The following NFATC2 variants were observed in gnomAD, a reference collection of about 807,000 sequenced individuals.
NFATC2 encodes the protein nuclear factor of activated T-cells, cytoplasmic 2.
NFATC2 carries 22 observed loss-of-function variants against 87.3 expected under a neutral mutation model. That is an observed-to-expected ratio of 0.25 (90% CI 0.18 to 0.36). The LOEUF (loss-of-function observed/expected upper bound fraction) is 0.36, where lower values mean the gene tolerates loss of function less well. NFATC2 is among the 10% of genes least tolerant of loss of function. The pLI, the probability that NFATC2 is intolerant of heterozygous loss-of-function variation, is 1.00. For synonymous variants in NFATC2, 565 were observed against 542.2 expected, an observed-to-expected ratio of 1.04 and a Z score of -0.58; for missense variants, 1,149 against 1,259.1, an observed-to-expected ratio of 0.91 and a Z score of 1.32.
At position 51,466,962 on chromosome 20, in the gene NFATC2, C is replaced by T. The variant is rs938872681; in HGVS notation, c.1708+7018G>A. ...TGGCAGTCGCCTGTAATCCCAGCTA[C>T]TCGGGAGGCTGAGGCAGGAGAATCG... On this transcript the variant is annotated intron_variant, in intron 5 of 10. Coordinates refer to ENST00000371564, the MANE Select transcript of NFATC2 (RefSeq NM_012340.5). Among the ~76,000 whole-genome samples the T allele has an allele frequency of 9.3e-5, 14 of 151,298 alleles. No homozygotes were observed. In the East Asian group the frequency reaches 1.8e-3, roughly 19 times the overall value.
Position 51,513,810 on chromosome 20 carries a change from A to C in NFATC2, c.1332+2974T>G, listed in dbSNP as rs115524138. Among the ~76,000 whole-genome samples, 363 of 152,364 alleles carry C rather than the reference A, an allele frequency of 2.4e-3. 2 individuals are homozygous for C. Among genetic ancestry groups the C allele is most frequent in the African/African-American group, 8.5e-3 (354 of 41,592 alleles). On this transcript the variant is annotated intron_variant, in intron 3 of 10. Transcript: ENST00000371564. Reference sequence around the variant, plus strand: ...GAGGTGATGACAAGGCTCATACTGGAACAGCATGCAAAACTAGGGGGAATG... The same window carrying C: ...GAGGTGATGACAAGGCTCATACTGGCACAGCATGCAAAACTAGGGGGAATG...
At chr20:51,535,752 T>TC (rs1309567785) in intron 1 of NFATC2, among the ~76,000 whole-genome samples, 2 of 152,216 alleles carry the variant, frequency 1.3e-5, no homozygotes, top group Middle Eastern at 3.2e-3. Context: ...GGGTTTTTTT[T>TC]CCCCCTCATT....
intron 3 of NFATC2, among the ~76,000 whole-genome samples, chr20:51,489,977 T>C (rs2146578257): frequency 6.6e-6 from 1 of 152,332 alleles, no homozygotes; most frequent in South Asian, 2.1e-4. Context: ...CGAATTGCTT[T>C]TTCCTGGTTA....
chr20:51,561,431 AAAAGAAAGAAAG>A (rs1184978605), intron 1 of NFATC2, among the ~76,000 whole-genome samples: 1,157 of 110,012 alleles, frequency 0.011, 5 homozygotes, highest in Non-Finnish European at 0.012. Context: ...AGAGAGAAAG[AAAAGAAAGAAAG>A]AAAGAAAGAA....
intron 9 of NFATC2, among the ~76,000 whole-genome samples, chr20:51,399,621 C>A (rs1232494598): frequency 6.6e-6 from 1 of 152,306 alleles, no homozygotes; most frequent in East Asian, 1.9e-4. Context: ...ATGTTGGGCT[C>A]CAACAGGAAT....
chr20:51,434,497 T>G (rs1983263314), intron 8 of NFATC2, among the ~76,000 whole-genome samples: 1 of 152,176 alleles, frequency 6.6e-6, no homozygotes, highest in African/African-American at 2.4e-5. Flanking sequence ...CTGTCCACCT[T>G]TTCTACAGCC....
At chr20:51,411,516 C>CTTTTTTTTTTTTTTT (rs67935951) in intron 9 of NFATC2, among the ~76,000 whole-genome samples, 3 of 87,250 alleles carry the variant, frequency 3.4e-5, no homozygotes, top group African/African-American at 1.3e-4. Flanking sequence ...ATGCAATTGT[C>CTTTTTTTTTTTTTTT]TTTTTTTTTT....
In NFATC2 at chr20:51,475,614, A is replaced by G. The variant is rs367864074; in HGVS notation, c.1379T>C (p.Ile460Thr). Residue 460 changes from isoleucine (I) to threonine (T), a missense_variant, in exon 4 of 11, where the codon ATT (isoleucine) becomes ACT (threonine). Ile to Thr is a moderately conservative substitution (Grantham distance 89). Coordinates refer to ENST00000371564, the MANE Select transcript of NFATC2 (RefSeq NM_012340.5). ...ENKPLGLQIF[I>T]GTADERILKP... is the part of the protein sequence containing the mutation. ...AAGGATCCGCTCATCAGCTGTCCCAATGAAGATCTGAAGTCCCAGAGGCTT... is the reference window on the plus strand; with the variant it reads ...AAGGATCCGCTCATCAGCTGTCCCAGTGAAGATCTGAAGTCCCAGAGGCTT... 2.9e-5 allele frequency: 47 copies of G among 1,614,012 alleles called. No homozygotes were observed. Among genetic ancestry groups the G allele is most frequent in the South Asian group, 8.8e-5 (8 of 91,070 alleles).
At chr20:51,447,807 G>A (rs1020202174) in intron 6 of NFATC2, among the ~76,000 whole-genome samples, 1 of 152,224 alleles carries the variant, frequency 6.6e-6, no homozygotes, top group Non-Finnish European at 1.5e-5. Flanking sequence ...GAAAGACCCT[G>A]ATTGTTCTGT....
At chr20:51,397,473 C>T (rs891298206) in intron 10 of NFATC2, among the ~76,000 whole-genome samples, 1 of 152,248 alleles carries the variant, frequency 6.6e-6, no homozygotes, top group Admixed American at 6.5e-5. Context: ...GAGCCGCTGG[C>T]TTGCCAAAGT....
At chr20:51,519,063 T>C (rs2076399641) in intron 2 of NFATC2, among the ~76,000 whole-genome samples, 1 of 152,114 alleles carries the variant, frequency 6.6e-6, no homozygotes, top group Non-Finnish European at 1.5e-5. Context: ...GTGCCTTTAT[T>C]TTACCTTAGT....
At chr20:51,481,448 A>AC (rs1989248211) in intron 3 of NFATC2, among the ~76,000 whole-genome samples, 2 of 151,948 alleles carry the variant, frequency 1.3e-5, no homozygotes, top group Non-Finnish European at 2.9e-5. Flanking sequence ...GCTCCACGTC[A>AC]CTGGCCTCCC....
At chr20:51,550,291 AAATAAT>A (rs1361425100) in intron 1 of NFATC2, among the ~76,000 whole-genome samples, 2 of 152,166 alleles carry the variant, frequency 1.3e-5, no homozygotes, top group Non-Finnish European at 2.9e-5. Flanking sequence ...CATGTCTAAA[AAATAAT>A]AATAATAGGC....
At chr20:51,394,035 C>A (rs891564163) in intron 10 of NFATC2, among the ~76,000 whole-genome samples, 2 of 152,182 alleles carry the variant, frequency 1.3e-5, no homozygotes, top group Admixed American at 6.5e-5. Context: ...AGAGTTGCAT[C>A]TGGAAAATTC....
At chr20:51,474,299 G>A (rs1988511716) in intron 4 of NFATC2, 147 bp from the exon 5 acceptor site, 3 of 938,608 alleles carry the variant, frequency 3.2e-6, no homozygotes, top group Admixed American at 2.9e-5. Context: ...ATACCAAGAT[G>A]GGGGTAAAAA....
At chr20:51,443,043 C>T (rs778374367) in intron 6 of NFATC2, among the ~76,000 whole-genome samples, 10 of 152,192 alleles carry the variant, frequency 6.6e-5, no homozygotes, top group Non-Finnish European at 1.3e-4. Context: ...CCTTCTCTCT[C>T]CCTCCAACAG....
chr20:51,432,248 G>A lies in NFATC2; in HGVS notation c.2541C>T (p.Pro847=), dbSNP rs761782021. The change falls in exon 9 of 11, where the codon CCC becomes CCT. Residue 847 remains proline (P), a synonymous_variant. Coordinates refer to ENST00000371564, the MANE Select transcript of NFATC2 (RefSeq NM_012340.5). This position sits in a 1 kb window ranked among gnomAD's most constrained non-coding sequence, Gnocchi z 4.6. Reference sequence around the variant, plus strand: ...TCAGCCTCTGACCTTGACTGACCGGGGGCGGGCCAGGTCTGGTGGTGCCTG... The same window carrying A: ...TCAGCCTCTGACCTTGACTGACCGGAGGCGGGCCAGGTCTGGTGGTGCCTG... ...FAPGTTRPGP[P]PVSQGQRLSP... 5.0e-6 allele frequency: 8 copies of A among 1,614,108 alleles called. No homozygotes were observed. The highest frequency in any genetic ancestry group is 1.1e-5 in the South Asian group (1 of 91,084).
chr20:51,419,325 G>T (rs1394940318), intron 9 of NFATC2, among the ~76,000 whole-genome samples: 4 of 152,196 alleles, frequency 2.6e-5, no homozygotes, highest in African/African-American at 9.7e-5. Flanking sequence ...CTCCTCTGTG[G>T]CTCAGTGTGG....
intron 9 of NFATC2, among the ~76,000 whole-genome samples, chr20:51,428,084 G>T (rs1982123931): frequency 6.6e-6 from 1 of 151,890 alleles, no homozygotes; most frequent in Non-Finnish European, 1.5e-5. Context: ...AAGGGTCAAG[G>T]ACACAGAGGA....
Sources: gnomAD v4.1 joint callset for allele counts (sites outside exome capture counted in the v4.1 genomes callset) on GRCh38, gnomAD v4.1.1 for gene constraint, Gnocchi (gnomAD v3.1) non-coding constraint, MANE v1.5 for transcripts, NCBI Gene and HGNC (gene_info 2026-07-23, HGNC 2026-07-21) for gene names.